The following PTMA variants were observed in gnomAD, a reference collection of about 807,000 sequenced individuals.
PTMA encodes prothymosin alpha.
PTMA carries 4 observed loss-of-function variants against 16.9 expected under a neutral mutation model. That is an observed-to-expected ratio of 0.24 (90% CI 0.12 to 0.54). The LOEUF (loss-of-function observed/expected upper bound fraction) is 0.54, where lower values mean the gene tolerates loss of function less well. PTMA is among the 20% of genes least tolerant of loss of function. PTMA has a pLI of 0.95. For synonymous variants in PTMA, 58 were observed against 47.9 expected (o/e 1.21, Z -0.87); for missense variants, 120 against 137.7 (o/e 0.87, Z 0.64).
chr2:231,710,389 G>A (rs1401659068), intron 1 of PTMA: 12 of 1,176,274 alleles, frequency 1.0e-5, no homozygotes, highest in Non-Finnish European at 1.3e-5. Flanking sequence ...CCGGGCGGGG[G>A]ATGCGCGCCT....
rs1022902270 is a variant in PTMA at position 231,708,650 on chromosome 2, C to T, written c.-57C>T. 6.3e-6 allele frequency: 10 copies of T among 1,591,472 alleles called. No individual in the cohort carries two copies. Among genetic ancestry groups the T allele is most frequent in the Admixed American group, 3.3e-5 (2 of 59,882 alleles). On this transcript the variant is annotated 5_prime_UTR_variant, in exon 1 of 5. Transcript: ENST00000409115. The stretch of plus-strand genomic sequence containing the variant: ...ACTCCGGCAGCTTTATCGCCAGAGT[C>T]CCTGAACTCTCGCTTTCTTTTTAAT...
At chr2:231,711,460 C>G in intron 2 of PTMA, 41 bp downstream of exon 2, 1 of 1,592,424 alleles carries the variant, frequency 6.3e-7, no homozygotes, top group South Asian at 1.1e-5. Context: ...CAGCTACCGC[C>G]CCACAAAATT....
At chr2:231,710,914 CTT>C (rs2048510347) in intron 1 of PTMA, among the ~76,000 whole-genome samples, 1 of 152,136 alleles carries the variant, frequency 6.6e-6, no homozygotes, top group Non-Finnish European at 1.5e-5. Context: ...GCCCCTCTCT[CTT>C]TGCCTTATTT....
intron 1 of PTMA, chr2:231,710,375 C>T (rs2106243107): frequency 2.5e-6 from 3 of 1,191,158 alleles, no homozygotes; most frequent in Non-Finnish European, 3.1e-6. Flanking sequence ...GCGCGCAAAG[C>T]CCGCCGGGCG....
rs1228911605 is a variant in PTMA at position 231,708,829 on chromosome 2, T to G, written c.45+78T>G. 1.5e-5 allele frequency: 23 copies of G among 1,517,736 alleles called. No homozygotes were observed. In the East Asian group the frequency reaches 2.6e-4, roughly 17 times the overall value. 94.0% of individuals were successfully genotyped at this position (1,517,736 alleles called of 1,614,324 possible). A position where few individuals can be genotyped will look rare whatever the true frequency, so the allele number is the denominator to read the frequency against. The stretch of plus-strand genomic sequence containing the variant: ...GGTGTTTGGCGCGCAGCAGCTGGAC[T>G]GTCTCAAGCCCGCTGTTGCTCCCTC... On this transcript the variant is annotated intron_variant, in intron 1 of 4. Transcript: ENST00000409115.
intron 1 of PTMA, among the ~76,000 whole-genome samples, chr2:231,709,620 G>A (rs2048489803): frequency 6.6e-6 from 1 of 152,202 alleles, no homozygotes; most frequent in Admixed American, 6.5e-5. Flanking sequence ...CCAATGGTAG[G>A]GTCGAACTGG....
intron 2 of PTMA, chr2:231,711,669 G>A: frequency 2.3e-6 from 2 of 876,222 alleles, no homozygotes; most frequent in East Asian, 2.7e-5. Context: ...TTTGGGCTTG[G>A]CCCAGGGTGG....
intron 2 of PTMA, chr2:231,711,688 C>G (rs377404794): frequency 2.0e-6 from 2 of 1,008,248 alleles, no homozygotes; most frequent in Admixed American, 5.9e-5. Flanking sequence ...GGGGAAAAGC[C>G]CTTGTCCTGG....
Position 231,713,277 on chromosome 2 carries a change from A to C in PTMA, c.*426A>C, listed in dbSNP as rs770711299. 16 of 493,400 alleles carry C rather than the reference A, an allele frequency of 3.2e-5. No homozygotes were observed. The highest frequency in any genetic ancestry group is 2.3e-4 in the South Asian group (15 of 65,276). The allele number at this position is 493,400 out of a possible 1,614,324, so 30.6% of individuals were successfully genotyped here. A position where few individuals can be genotyped will look rare whatever the true frequency, so the allele number is the denominator to read the frequency against. On this transcript the variant is annotated 3_prime_UTR_variant, in exon 5 of 5. Coordinates refer to ENST00000409115, the MANE Select transcript of PTMA (RefSeq NM_002823.5). Reference sequence around the variant, plus strand: ...ATTATAATCTCAAAGGAGAAAAAAAACCTTGTAAAAAAAGCAAAAATGACA... The same window carrying C: ...ATTATAATCTCAAAGGAGAAAAAAACCCTTGTAAAAAAAGCAAAAATGACA...
At chr2:231,710,671 C>T (rs563226738) in intron 1 of PTMA, 11 of 433,046 alleles carry the variant, frequency 2.5e-5, no homozygotes, top group Non-Finnish European at 5.2e-5. Context: ...GAGTCCCACC[C>T]CCGAGGTGCT....
chr2:231,711,608 C>T (rs973433403), intron 2 of PTMA, 189 bp downstream of exon 2: 8 of 734,562 alleles, frequency 1.1e-5, no homozygotes, highest in South Asian at 9.7e-5. Flanking sequence ...AAAAACCTTT[C>T]GAGCAGCGCC....
At chr2:231,712,149 T>C (rs2048525896) in intron 3 of PTMA, among the ~76,000 whole-genome samples, 166 bp downstream of exon 3, 1 of 152,148 alleles carries the variant, frequency 6.6e-6, no homozygotes, top group Non-Finnish European at 1.5e-5. Context: ...AAGGTCTCCC[T>C]GACATGGAGT....
rs760052328 is a variant in PTMA, at chr2:231,712,790, C to CT, written c.286-11dup. The CT allele has an allele frequency of 1.9e-6, 3 of 1,591,674 alleles. No homozygotes were observed. The highest frequency in any genetic ancestry group is 1.8e-5 in the Admixed American group (1 of 56,190). ...TGGGGTTGGAGGGGCCTTTGACAGTCTTTCTCTGCTTAGGATGACGATGTC... is the reference window on the plus strand; with the variant it reads ...TGGGGTTGGAGGGGCCTTTGACAGTCTTTTCTCTGCTTAGGATGACGATGTC... On this transcript the variant is annotated splice_polypyrimidine_tract_variant and intron_variant, in intron 4 of 4. Transcript: ENST00000409115.
intron 2 of PTMA, 102 bp downstream of exon 2, chr2:231,711,521 G>C: frequency 9.1e-7 from 1 of 1,097,660 alleles, no homozygotes; most frequent in South Asian, 1.3e-5. Flanking sequence ...ATGTGTATAT[G>C]TATAGCTTTG....
chr2:231,709,254 G>T (rs1401921428), intron 1 of PTMA, among the ~76,000 whole-genome samples: 1 of 152,152 alleles, frequency 6.6e-6, no homozygotes, highest in Non-Finnish European at 1.5e-5. Context: ...GCCCTGCAGC[G>T]GACCTGAGGT....
At chr2:231,709,578 G>A (rs932101899) in intron 1 of PTMA, among the ~76,000 whole-genome samples, 1 of 152,200 alleles carries the variant, frequency 6.6e-6, no homozygotes, top group South Asian at 2.1e-4. Flanking sequence ...GCAGCTCGGG[G>A]CGACGCGGGC....
intron 2 of PTMA, 82 bp downstream of exon 2, chr2:231,711,501 A>G (rs1575352523): frequency 4.9e-6 from 6 of 1,223,230 alleles, no homozygotes; most frequent in East Asian, 4.7e-5. Flanking sequence ...ATACCTATAT[A>G]TGTGTGTGTA....
At chr2:231,709,187 C>T (rs1047723952) in intron 1 of PTMA, among the ~76,000 whole-genome samples, 3 of 152,154 alleles carry the variant, frequency 2.0e-5, no homozygotes, top group Admixed American at 6.5e-5. Flanking sequence ...CGGGAAGTGG[C>T]GGCGAGCGCC....
chr2:231,711,231 G>C (rs1288966346), intron 1 of PTMA, 117 bp from the exon 2 acceptor site: 1 of 813,830 alleles, frequency 1.2e-6, no homozygotes, highest in African/African-American at 1.7e-5. Context: ...CTCAACATGC[G>C]ACTCTTAATT....
Sources: allele counts gnomAD v4.1 joint callset (sites outside exome capture counted in the v4.1 genomes callset), GRCh38; gene constraint gnomAD v4.1.1; transcripts MANE v1.5; gene names NCBI Gene and HGNC (gene_info 2026-07-23, HGNC 2026-07-21).